Variants in DYRK1A observed in about 807,000 individuals in gnomAD.
DYRK1A encodes the protein dual specificity tyrosine-phosphorylation-regulated kinase 1A.
Under a neutral mutation model 79.7 loss-of-function variants are expected in DYRK1A, and 9 were observed. That is an observed-to-expected ratio of 0.11 (90% CI 0.07 to 0.20). DYRK1A has a LOEUF of 0.20. Among genes scored for constraint, DYRK1A ranks in the 10% least tolerant of loss-of-function variants. The pLI, the probability that DYRK1A is intolerant of heterozygous loss-of-function variation, is 1.00. For missense variants in DYRK1A, 622 were observed against 956.0 expected (o/e 0.65, Z 4.61); for synonymous variants, 349 against 329.7 (o/e 1.06, Z -0.63).
chr21:37,426,779 G>A (rs1489466947), intron 2 of DYRK1A, among the ~76,000 whole-genome samples: 1 of 150,260 alleles, frequency 6.7e-6, no homozygotes, highest in Non-Finnish European at 1.5e-5. Flanking sequence ...AATAAGCCAG[G>A]TTTGGTGGCG....
chr21:37,436,856 T>G (rs985089760), intron 2 of DYRK1A, among the ~76,000 whole-genome samples: 11 of 152,218 alleles, frequency 7.2e-5, no homozygotes, highest in African/African-American at 2.7e-4. Context: ...ATTTATAATT[T>G]AACAGAGGTG....
chr21:37,369,838 A>G (rs1050586743), intron 1 of DYRK1A, among the ~76,000 whole-genome samples: 2 of 152,272 alleles, frequency 1.3e-5, no homozygotes, highest in African/African-American at 4.8e-5. Flanking sequence ...ACCTTTTAAC[A>G]ATATTTTGGT....
At chr21:37,471,873 T>G (rs947074542) in intron 2 of DYRK1A, among the ~76,000 whole-genome samples, 1 of 152,228 alleles carries the variant, frequency 6.6e-6, no homozygotes, top group African/African-American at 2.4e-5. Flanking sequence ...GTTTTAGGCT[T>G]TAGTCTGTGA....
At chr21:37,383,305 T>C (rs1051767345) in intron 1 of DYRK1A, among the ~76,000 whole-genome samples, 2 of 152,262 alleles carry the variant, frequency 1.3e-5, no homozygotes, top group Non-Finnish European at 2.9e-5. Flanking sequence ...TGACTGAGTC[T>C]CATTTGGTCT....
chr21:37,423,756 TC>T (rs973722440), intron 2 of DYRK1A, among the ~76,000 whole-genome samples: 4 of 152,134 alleles, frequency 2.6e-5, no homozygotes, highest in African/African-American at 9.7e-5. Context: ...GTGGAATAGT[TC>T]CAAAGCATAC....
chr21:37,502,168 G>A (rs1420721340), intron 9 of DYRK1A: 1 of 152,110 alleles, frequency 6.6e-6, no homozygotes, highest in Non-Finnish European at 1.5e-5. Flanking sequence ...CTGTAAACCT[G>A]TGCCTACCTT....
At chr21:37,472,657 CTT>C (rs1332172064) in intron 2 of DYRK1A, 25 bp from the exon 3 acceptor site, 2 of 1,537,212 alleles carry the variant, frequency 1.3e-6, no homozygotes, top group Admixed American at 3.7e-5. Flanking sequence ...TGAATATTTC[CTT>C]TAAACCTCAC....
intron 9 of DYRK1A, among the ~76,000 whole-genome samples, chr21:37,500,664 AT>A (rs1235635384): frequency 2.0e-5 from 3 of 151,908 alleles, no homozygotes; most frequent in South Asian, 2.1e-4. Context: ...GGTTATCCAA[AT>A]TTTTTTTAAG....
At chr21:37,478,115 T>C in intron 3 of DYRK1A, 93 bp from the exon 4 acceptor site, 1 of 1,541,726 alleles carries the variant, frequency 6.5e-7, no homozygotes, top group Non-Finnish European at 8.8e-7. Context: ...AGTAGATACA[T>C]GCAGGTTACA....
intron 1 of DYRK1A, among the ~76,000 whole-genome samples, chr21:37,398,551 T>C (rs2049999896): frequency 6.6e-6 from 1 of 152,194 alleles, no homozygotes; most frequent in Admixed American, 6.5e-5. Flanking sequence ...TAACTGCCAA[T>C]AGCAGAACAA....
intron 2 of DYRK1A, among the ~76,000 whole-genome samples, chr21:37,455,518 G>A (rs1023275477): frequency 6.6e-6 from 1 of 151,974 alleles, no homozygotes; most frequent in African/African-American, 2.4e-5. Context: ...CCATGGCTTG[G>A]AACCGCTGAG....
chr21:37,412,985 G>A (rs1024457793), intron 1 of DYRK1A, among the ~76,000 whole-genome samples: 2 of 152,180 alleles, frequency 1.3e-5, no homozygotes, highest in East Asian at 1.9e-4. Flanking sequence ...AATGAGTGAA[G>A]CGGTCAGGGG....
intron 6 of DYRK1A, among the ~76,000 whole-genome samples, chr21:37,489,317 G>C (rs1437233756): frequency 6.6e-6 from 1 of 152,074 alleles, no homozygotes; most frequent in African/African-American, 2.4e-5. Context: ...TAACAGGGAG[G>C]GACAGCACTT....
intron 1 of DYRK1A, among the ~76,000 whole-genome samples, chr21:37,415,142 G>A (rs1308418204): frequency 6.6e-6 from 1 of 152,076 alleles, no homozygotes; most frequent in Non-Finnish European, 1.5e-5. Context: ...TGTCTTTCAG[G>A]CCCAGATGTG....
At position 37,478,166 on chromosome 21, in the gene DYRK1A, TTCTG is replaced by T. The variant is rs1064794918; in HGVS notation, c.208-38_208-35del. ...ATCTTATAGTTAAAGTGCTAGTCTT[TTCTG>T]TCTATTTAAGGTGATGCCTGATATT... On this transcript the variant is annotated intron_variant, in intron 3 of 11. Transcript: ENST00000647188. 3.7e-6 allele frequency: 6 copies of T among 1,610,774 alleles called. No individual in the cohort carries two copies. Among genetic ancestry groups the T allele is most frequent in the East Asian group, 2.2e-5 (1 of 44,814 alleles).
intron 3 of DYRK1A, among the ~76,000 whole-genome samples, chr21:37,477,997 C>T (rs1047813292): frequency 1.3e-5 from 2 of 152,256 alleles, no homozygotes; most frequent in Middle Eastern, 3.4e-3. Context: ...GGCATATTAT[C>T]CTCTAATTTC....
At chr21:37,462,890 C>T (rs1378621438) in intron 2 of DYRK1A, among the ~76,000 whole-genome samples, 8 of 152,178 alleles carry the variant, frequency 5.3e-5, no homozygotes, top group East Asian at 1.9e-4. Context: ...ACGGTTATTT[C>T]GTATGTTTTG....
chr21:37,381,905 A>G (rs1465027869), intron 1 of DYRK1A, among the ~76,000 whole-genome samples: 2 of 152,266 alleles, frequency 1.3e-5, no homozygotes, highest in Admixed American at 1.3e-4. Context: ...TGGACAACAG[A>G]ACAAGAATGA....
At chr21:37,383,040 C>T (rs1045753796) in intron 1 of DYRK1A, among the ~76,000 whole-genome samples, 1 of 152,176 alleles carries the variant, frequency 6.6e-6, no homozygotes, top group Non-Finnish European at 1.5e-5. Context: ...GCGATCTCCA[C>T]CATTAAGAAA....
Sources: allele counts gnomAD v4.1 joint callset (sites outside exome capture counted in the v4.1 genomes callset), GRCh38; gene constraint gnomAD v4.1.1; transcripts MANE v1.5; gene names NCBI Gene and HGNC (gene_info 2026-07-23, HGNC 2026-07-21).